The following UST variants were observed in gnomAD, a reference collection of about 807,000 sequenced individuals.
UST encodes the protein uronyl 2-sulfotransferase.
A neutral mutation model predicts 45.6 loss-of-function variants in UST; 21 were observed. The ratio of observed to expected loss-of-function variants is 0.46; its 90% confidence interval spans 0.33 to 0.66. The LOEUF (loss-of-function observed/expected upper bound fraction) is 0.66, where lower values mean the gene tolerates loss of function less well. Among genes scored for constraint, UST ranks in the 30% least tolerant of loss-of-function variants. The pLI, the probability that UST is intolerant of heterozygous loss-of-function variation, is 0.02. For missense variants in UST, 463 were observed against 512.4 expected (o/e 0.90, Z 0.93); for synonymous variants, 215 against 200.6 (o/e 1.07, Z -0.61).
chr6:148,859,336 G>T (rs7743969), intron 1 of UST, among the ~76,000 whole-genome samples: 1 of 152,160 alleles, frequency 6.6e-6, no homozygotes, highest in African/African-American at 2.4e-5. Flanking sequence ...TTTTGATGGG[G>T]TTGTTTGATT....
At chr6:148,851,221 C>T (rs2114786071) in intron 1 of UST, among the ~76,000 whole-genome samples, 1 of 152,204 alleles carries the variant, frequency 6.6e-6, no homozygotes, top group Admixed American at 6.5e-5. Flanking sequence ...GACATGTAGC[C>T]TCGGGACAGA....
chr6:149,042,997 TTCTTTCTTTCTTTCTTTCTTTCTTTTTC>T (rs1415750750), intron 7 of UST, among the ~76,000 whole-genome samples: 24 of 118,166 alleles, frequency 2.0e-4, no homozygotes, highest in African/African-American at 9.5e-4. Flanking sequence ...CTTTCTTTCT[TTCTTTCTTTCTTTCTTTCTTTCTTTTTC>T]TTTCTTTCTT....
chr6:148,869,514 C>T (rs1778509891), intron 1 of UST, among the ~76,000 whole-genome samples: 1 of 152,144 alleles, frequency 6.6e-6, no homozygotes, highest in African/African-American at 2.4e-5. Context: ...CATTTGAAGG[C>T]CTAATAAAGA....
At chr6:149,023,616 G>A (rs1229980038) in intron 7 of UST, among the ~76,000 whole-genome samples, 3 of 152,114 alleles carry the variant, frequency 2.0e-5, no homozygotes, top group Non-Finnish European at 4.4e-5. Flanking sequence ...AGGAGCCAAC[G>A]TGAGAGTCCT....
intron 5 of UST, among the ~76,000 whole-genome samples, chr6:148,991,493 A>G (rs1781351225): frequency 6.9e-6 from 1 of 145,372 alleles, no homozygotes; most frequent in Non-Finnish European, 1.5e-5. Flanking sequence ...TATATCTCCT[A>G]ATGCTATCCC....
chr6:149,072,281 C>T (rs1421923317), intron 7 of UST, among the ~76,000 whole-genome samples: 1 of 152,132 alleles, frequency 6.6e-6, no homozygotes, highest in Non-Finnish European at 1.5e-5. Flanking sequence ...TGGAAACAAC[C>T]CAAGTGTCTC....
At chr6:148,846,728 T>C (rs1478308073) in intron 1 of UST, among the ~76,000 whole-genome samples, 1 of 152,260 alleles carries the variant, frequency 6.6e-6, no homozygotes, top group Non-Finnish European at 1.5e-5. Flanking sequence ...CAGTGTGTGG[T>C]GCAATAAATA....
chr6:148,784,094 TAAAG>T (rs1776693837), intron 1 of UST, among the ~76,000 whole-genome samples: 1 of 152,152 alleles, frequency 6.6e-6, no homozygotes, highest in Admixed American at 6.5e-5. Flanking sequence ...TCATTTTAAA[TAAAG>T]ACTGACTTTT....
chr6:148,747,813 T>C, intron 1 of UST, 136 bp downstream of exon 1: 1 of 1,162,466 alleles, frequency 8.6e-7, no homozygotes, highest in East Asian at 3.2e-5. Context: ...GCTAAGCCCG[T>C]GAGCATCTGT....
chr6:148,988,222 A>T (rs140228884), intron 5 of UST, among the ~76,000 whole-genome samples: 1 of 152,148 alleles, frequency 6.6e-6, no homozygotes, highest in East Asian at 1.9e-4. Context: ...CTGAAACTTG[A>T]CATTGAACAG....
chr6:148,996,240 G>A (rs1216365977), intron 5 of UST, among the ~76,000 whole-genome samples: 1 of 152,146 alleles, frequency 6.6e-6, no homozygotes, highest in Non-Finnish European at 1.5e-5. Flanking sequence ...TTGTTTCTGA[G>A]ACAGGATCTC....
chr6:148,788,587 T>A (rs1449814567), intron 1 of UST, among the ~76,000 whole-genome samples: 1 of 152,132 alleles, frequency 6.6e-6, no homozygotes, highest in Non-Finnish European at 1.5e-5. Context: ...CATATAATAA[T>A]TTTCTGACAC....
At chr6:149,018,695 T>C (rs569253021) in intron 5 of UST, among the ~76,000 whole-genome samples, 8 of 152,364 alleles carry the variant, frequency 5.3e-5, no homozygotes, top group African/African-American at 1.9e-4. Flanking sequence ...CAAACTCTTA[T>C]GAGACTATTG....
chr6:148,924,402 A>G (rs921883193), intron 2 of UST, among the ~76,000 whole-genome samples: 3 of 152,162 alleles, frequency 2.0e-5, no homozygotes, highest in African/African-American at 4.8e-5. Flanking sequence ...GGAGACAATC[A>G]GCAGCTTCTC....
chr6:148,856,945 GAT>G (rs955957916), intron 1 of UST, among the ~76,000 whole-genome samples: 3 of 148,962 alleles, frequency 2.0e-5, no homozygotes, highest in African/African-American at 7.4e-5. Flanking sequence ...AGAGCTTTGT[GAT>G]ATATATATTA....
At chr6:148,990,284 TA>T in intron 5 of UST, 1 of 569,576 alleles carries the variant, frequency 1.8e-6, no homozygotes, top group Non-Finnish European at 2.2e-6. Context: ...TTTTATATAA[TA>T]AACAGGAACT....
chr6:148,929,233 T>C (rs1033947462), intron 2 of UST, among the ~76,000 whole-genome samples: 1 of 152,200 alleles, frequency 6.6e-6, no homozygotes, highest in Non-Finnish European at 1.5e-5. Flanking sequence ...TTGTTCAAGT[T>C]TTACCCTAAG....
rs1009799906 is a variant in UST at position 148,748,216 on chromosome 6, G to A, written c.247+539G>A. On this transcript the variant is annotated intron_variant, in intron 1 of 7. Transcript: ENST00000367463. The surrounding 1 kb of genome is among the most constrained non-coding windows in gnomAD (Gnocchi z 5.3). ...GCCCTAGTGGCTCCGCGCTGTCCCC[G>A]GGCTGGCTTGTCCCTTGGCTGCCGC... is the stretch of plus-strand genomic sequence containing the variant. Among the ~76,000 whole-genome samples the A allele has an allele frequency of 6.6e-6, 1 of 152,032 alleles. No homozygotes were observed. Among genetic ancestry groups the A allele is most frequent in the African/African-American group, 2.4e-5 (1 of 41,400 alleles).
chr6:149,010,909 A>AAAAAAAAAAAAC (rs1775797799), intron 5 of UST, among the ~76,000 whole-genome samples: 1 of 149,122 alleles, frequency 6.7e-6, no homozygotes, highest in African/African-American at 2.5e-5. Flanking sequence ...AAAAAAAAAA[A>AAAAAAAAAAAAC]AAAAAAAAAA....
Sources: gnomAD v4.1 joint callset for allele counts (sites outside exome capture counted in the v4.1 genomes callset) on GRCh38, gnomAD v4.1.1 for gene constraint, Gnocchi (gnomAD v3.1) non-coding constraint, MANE v1.5 for transcripts, NCBI Gene and HGNC (gene_info 2026-07-23, HGNC 2026-07-21) for gene names.